The following ABCA1 variants were observed in gnomAD, a reference collection of about 807,000 sequenced individuals.
The protein encoded by ABCA1 is phospholipid-transporting ATPase ABCA1.
In ABCA1, 133 loss-of-function variants were observed where a neutral mutation model predicts 262.5. That is an observed-to-expected ratio of 0.51 (90% CI 0.44 to 0.59). The LOEUF (loss-of-function observed/expected upper bound fraction) is 0.59. Among genes scored for constraint, ABCA1 ranks in the 20% least tolerant of loss-of-function variants. The probability of loss-of-function intolerance (pLI) is 0.00; values close to 1 mark genes in which losing one functional copy is unlikely to be tolerated. For synonymous variants in ABCA1, 1,022 were observed against 1,043.5 expected (o/e 0.98, Z 0.40); for missense variants, 2,452 against 2,777.5 (o/e 0.88, Z 2.63).
rs368920893 is a variant in ABCA1, at chr9:104,784,453, T to C, written c.6648A>G (p.Val2216=). ...YSVSQTTLDQ[V]FVNFAKDQSD... ...TTTGGTCCTTGGCAAAGTTCACAAA[T>C]ACCTGTTAAAAGATTAAGATGGACC... The change falls in exon 50 of 50, where the codon GTA becomes GTG. Residue 2216 remains valine (V), a splice_region_variant and synonymous_variant. Transcript: ENST00000374736. 5.0e-6 allele frequency: 8 copies of C among 1,614,084 alleles called. No homozygotes were observed. Among genetic ancestry groups the C allele is most frequent in the Non-Finnish European group, 5.1e-6 (6 of 1,179,990 alleles).
intron 7 of ABCA1, among the ~76,000 whole-genome samples, chr9:104,847,819 AAGAT>A (rs1835027167): frequency 6.6e-6 from 1 of 152,258 alleles, no homozygotes; most frequent in Non-Finnish European, 1.5e-5. Context: ...GGCAAAATAA[AAGAT>A]AATACTAAGT....
At chr9:104,872,494 A>C (rs569048343) in intron 5 of ABCA1, among the ~76,000 whole-genome samples, 2 of 152,312 alleles carry the variant, frequency 1.3e-5, no homozygotes, top group East Asian at 1.9e-4. Context: ...TTTACTCTTT[A>C]ATCTTGGACA....
chr9:104,853,837 A>C (rs1023309683), intron 7 of ABCA1, among the ~76,000 whole-genome samples: 2 of 152,190 alleles, frequency 1.3e-5, no homozygotes, highest in African/African-American at 4.8e-5. Context: ...CAAATATATG[A>C]TAAACTATTC....
chr9:104,832,615 C>A lies in ABCA1; in HGVS notation c.1468G>T (p.Glu490Ter), dbSNP rs769977280. Reference protein sequence around the residue: ...SVYTWREAFNETNQAIRTISR... With the variant: ...SVYTWREAFN ...ATGGTCCGGATTGCCTGGTTAGTCT[C>A]GTTGAAAGCTTCTCTCCAGGTGTAC... The change falls in exon 12 of 50, where the codon GAG becomes TAG. Residue 490 changes from glutamate to a stop codon, truncating the protein, a stop_gained. Transcript: ENST00000374736. LOFTEE classifies it high-confidence loss of function. The A allele has an allele frequency of 6.2e-7, 1 of 1,614,176 alleles. No individual in the cohort carries two copies. Among genetic ancestry groups the A allele is most frequent in the Non-Finnish European group, 8.5e-7 (1 of 1,180,038 alleles).
At chr9:104,868,189 G>A (rs150557825) in intron 5 of ABCA1, among the ~76,000 whole-genome samples, 1,592 of 152,138 alleles carry the variant, frequency 0.01, 31 homozygotes, top group African/African-American at 0.036. Context: ...AAGAAACCCC[G>A]TCTCTACTAA....
At chr9:104,873,743 T>A (rs1837852205) in intron 5 of ABCA1, among the ~76,000 whole-genome samples, 1 of 152,212 alleles carries the variant, frequency 6.6e-6, no homozygotes. Context: ...ACAAGCCTGG[T>A]ACCTATGCTG....
intron 1 of ABCA1, among the ~76,000 whole-genome samples, chr9:104,916,938 T>C (rs1446476352): frequency 6.6e-6 from 1 of 152,200 alleles, no homozygotes; most frequent in East Asian, 1.9e-4. Flanking sequence ...AGCCATGGAA[T>C]ATACATCCCA....
At chr9:104,808,460 C>T (rs560438397) in intron 30 of ABCA1, among the ~76,000 whole-genome samples, 61 of 152,290 alleles carry the variant, frequency 4.0e-4, no homozygotes, top group Non-Finnish European at 7.5e-4. Context: ...CCAGATAGGC[C>T]GTGTCTGTGT....
chr9:104,812,827 T>C, intron 27 of ABCA1, 105 bp from the exon 28 acceptor site: 15 of 1,452,816 alleles, frequency 1.0e-5, no homozygotes, highest in Non-Finnish European at 1.4e-5. Flanking sequence ...GGCATGTGTC[T>C]GAAGCTAGAA....
Position 104,845,552 on chromosome 9 carries a change from T to C in ABCA1, c.738A>G (p.Thr246=), listed in dbSNP as rs760136855. Residue 246 remains threonine, a synonymous_variant, in exon 8 of 50, where the codon ACA becomes ACG. Coordinates refer to ENST00000374736, the MANE Select transcript of ABCA1 (RefSeq NM_005502.4). ...CCAGCTCCTTGCTCGGGAAGGGAGA[T>C]GTAGAGTTTAGTGTTCTCTGTAATG... is the stretch of plus-strand genomic sequence containing the variant. ...LKPILRTLNS[T]SPFPSKELAE... 4 of 1,613,536 alleles carry C rather than the reference T, an allele frequency of 2.5e-6. No individual in the cohort carries two copies. Among genetic ancestry groups the C allele is most frequent in the African/African-American group, 1.3e-5 (1 of 75,038 alleles).
chr9:104,831,862 A>G (rs759421590), intron 12 of ABCA1, 35 bp from the exon 13 acceptor site: 1 of 1,601,436 alleles, frequency 6.2e-7, no homozygotes, highest in Non-Finnish European at 8.6e-7. Context: ...GAACGTTGGC[A>G]GCCAGGACAA....
chr9:104,923,883 T>C (rs2118553860), intron 1 of ABCA1, among the ~76,000 whole-genome samples: 1 of 152,132 alleles, frequency 6.6e-6, no homozygotes, highest in South Asian at 2.1e-4. Context: ...TTACAAAAAA[T>C]TGTAAAAATT....
Position 104,800,490 on chromosome 9 carries a change from GA to G in ABCA1, c.4773+19del, listed in dbSNP as rs1291318025. The G allele has an allele frequency of 3.7e-6, 6 of 1,606,756 alleles. No homozygotes were observed. Among genetic ancestry groups the G allele is most frequent in the Non-Finnish European group, 5.1e-6 (6 of 1,173,236 alleles). ...ATTATTGTTCATCAAAAAGCTACTA[GA>G]ACAAAGACAGCGGTTTACCTTGACA... is the stretch of plus-strand genomic sequence containing the variant. On this transcript the variant is annotated intron_variant, in intron 35 of 49. Transcript: ENST00000374736.
intron 3 of ABCA1, 74 bp from the exon 4 acceptor site, chr9:104,884,642 T>C: frequency 1.9e-6 from 3 of 1,555,190 alleles, no homozygotes; most frequent in Middle Eastern, 1.7e-4. Flanking sequence ...GCTCCATTTA[T>C]ACAATGCTTC....
In ABCA1 at chr9:104,785,618, T is replaced by C. The variant is rs1204265245; in HGVS notation, c.6423A>G (p.Ile2141Met). The C allele has an allele frequency of 6.2e-7, 1 of 1,613,950 alleles. No homozygotes were observed. Among genetic ancestry groups the C allele is most frequent in the African/African-American group, 1.3e-5 (1 of 74,906 alleles). Residue 2141 changes from isoleucine to methionine, a missense_variant, in exon 49 of 50, where the codon ATA (isoleucine) becomes ATG (methionine). By Grantham distance (10) the Ile-to-Met change is conservative. Around this residue, in one of 4 missense-constraint regions of ABCA1, gnomAD observed 752 missense variants for 944.5 expected, o/e 0.80. Coordinates refer to ENST00000374736, the MANE Select transcript of ABCA1 (RefSeq NM_005502.4). ...GGTTGGACCCTGCTATTCGTACAAC[T>C]ATTGTATAACCATCTCCAAACCTGA... is the stretch of plus-strand genomic sequence containing the variant. ...LKNRFGDGYT[I>M]VVRIAGSNPD... is the part of the protein sequence containing the mutation.
intron 5 of ABCA1, 56 bp from the exon 6 acceptor site, chr9:104,861,856 A>C: frequency 5.6e-6 from 8 of 1,431,262 alleles, no homozygotes; most frequent in Non-Finnish European, 7.8e-6. Context: ...AAAAAAAAAA[A>C]AGTGGGCACA....
In ABCA1 at chr9:104,862,689, C is replaced by CCGGGCAGGGCA. The variant is rs1836696985; in HGVS notation, c.422-890_422-889insTGCCCTGCCCG. Among the ~76,000 whole-genome samples, 2 of 3,318 alleles carry CCGGGCAGGGCA rather than the reference C, an allele frequency of 6.0e-4. 1 individual carries two copies. Among genetic ancestry groups the CCGGGCAGGGCA allele is most frequent in the African/African-American group, 2.2e-3 (2 of 926 alleles). 2.2% of individuals were successfully genotyped at this position (3,318 alleles called of 152,430 possible). Reference sequence around the variant, plus strand: ...CGGGCCGGGCCGGGCCGGGCCGGGCCGGGCCGGGCCGGCCCCCACCCCCAC... The same window carrying CCGGGCAGGGCA: ...CGGGCCGGGCCGGGCCGGGCCGGGCCCGGGCAGGGCAGGGCCGGGCCGGCCCCCACCCCCAC... On this transcript the variant is annotated intron_variant, in intron 5 of 49. Transcript: ENST00000374736.
At chr9:104,795,429 A>T (rs1172575987) in intron 39 of ABCA1, among the ~76,000 whole-genome samples, 1 of 152,238 alleles carries the variant, frequency 6.6e-6, no homozygotes, top group African/African-American at 2.4e-5. Flanking sequence ...CTGACAACAT[A>T]ACCAGTTGAA....
Position 104,783,462 on chromosome 9 carries a change from T to G in ABCA1, c.*853A>C, listed in dbSNP as rs755419992. 1 of 152,278 alleles carries G rather than the reference T, an allele frequency of 6.6e-6. No homozygotes were observed. Among genetic ancestry groups the G allele is most frequent in the Non-Finnish European group, 1.5e-5 (1 of 68,096 alleles). 9.4% of individuals were successfully genotyped at this position (152,278 alleles called of 1,614,324 possible). ...TGAACGCACAATCTCTTTAATCCCATGCCCTGGCTTCAGCAGCTTGCAGCC... is the reference window on the plus strand; with the variant it reads ...TGAACGCACAATCTCTTTAATCCCAGGCCCTGGCTTCAGCAGCTTGCAGCC... On this transcript the variant is annotated 3_prime_UTR_variant, in exon 50 of 50. Transcript: ENST00000374736.
Sources: gnomAD v4.1 joint callset for allele counts (sites outside exome capture counted in the v4.1 genomes callset) on GRCh38, gnomAD v4.1.1 for gene constraint, gnomAD v4.1.1 regional missense constraint, MANE v1.5 for transcripts, NCBI Gene and HGNC (gene_info 2026-07-23, HGNC 2026-07-21) for gene names.